The following COL27A1 variants were observed in gnomAD, a reference collection of about 807,000 sequenced individuals.
The protein encoded by COL27A1 is collagen type XXVII alpha 1 chain.
A neutral mutation model predicts 251.3 loss-of-function variants in COL27A1; 106 were observed. The ratio of observed to expected loss-of-function variants is 0.42; its 90% confidence interval spans 0.36 to 0.50. The LOEUF (loss-of-function observed/expected upper bound fraction) is 0.50. Among genes scored for constraint, COL27A1 ranks in the 20% least tolerant of loss-of-function variants. COL27A1 has a pLI of 0.00. For missense variants in COL27A1, 2,325 were observed against 2,522.8 expected (o/e 0.92, Z 1.68); for synonymous variants, 1,000 against 986.3 (o/e 1.01, Z -0.26).
chr9:114,156,129 C>T, intron 1 of COL27A1, 117 bp downstream of exon 1: 17 of 1,266,594 alleles, frequency 1.3e-5, no homozygotes, highest in Non-Finnish European at 1.7e-5. Context: ...CCTGCCCCTT[C>T]CTGCGCCCCC....
intron 23 of COL27A1, among the ~76,000 whole-genome samples, chr9:114,244,279 G>T (rs1251727645): frequency 1.3e-5 from 2 of 152,150 alleles, no homozygotes; most frequent in Non-Finnish European, 2.9e-5. Context: ...AGTGGACAGG[G>T]ATTATCTCTG....
intron 28 of COL27A1, 35 bp downstream of exon 28, chr9:114,258,629 G>C (rs769388661): frequency 1.2e-6 from 2 of 1,606,622 alleles, no homozygotes; most frequent in South Asian, 2.2e-5. Context: ...GCTGATGCTG[G>C]TGGGAGGGGG....
In COL27A1 at chr9:114,187,595, G is replaced by A. The variant is rs1343862216; in HGVS notation, c.2016+4520G>A. The stretch of plus-strand genomic sequence containing the variant: ...CCTCAAGGTGTCAATCTAGCCCTCA[G>A]CTCCACAGCTCTCTGGTCTTCCCTG... On this transcript the variant is annotated intron_variant, in intron 5 of 60. Coordinates refer to ENST00000356083, the MANE Select transcript of COL27A1 (RefSeq NM_032888.4). Among the ~76,000 whole-genome samples, 3 of 152,348 alleles carry A rather than the reference G, an allele frequency of 2.0e-5. No individual in the cohort carries two copies. The South Asian group carries it at 6.2e-4, about 32-fold the overall frequency.
chr9:114,309,366 A>C lies in COL27A1; in HGVS notation c.5324A>C (p.Glu1775Ala). Residue 1775 changes from glutamate to alanine, a missense_variant, in exon 60 of 61, where the codon GAG becomes GCG. Coordinates refer to ENST00000356083, the MANE Select transcript of COL27A1 (RefSeq NM_032888.4). The part of the protein sequence containing the change: ...IHCLNMTVWQ[E>A]GTGQTPAKQA... ...TGCCTTAACATGACCGTGTGGCAGGAGGGCACTGGGCAGACCCCAGCCAAG... is the reference window on the plus strand; with the variant it reads ...TGCCTTAACATGACCGTGTGGCAGGCGGGCACTGGGCAGACCCCAGCCAAG... The C allele has an allele frequency of 6.2e-7, 1 of 1,614,056 alleles. No individual in the cohort carries two copies. Among genetic ancestry groups the C allele is most frequent in the South Asian group, 1.1e-5 (1 of 91,072 alleles).
At chr9:114,297,679 C>T (rs1828347640) in intron 49 of COL27A1, among the ~76,000 whole-genome samples, 1 of 152,106 alleles carries the variant, frequency 6.6e-6, no homozygotes, top group Non-Finnish European at 1.5e-5. Context: ...ACATCCTCAA[C>T]CTGATAGAGA....
intron 37 of COL27A1, among the ~76,000 whole-genome samples, chr9:114,277,799 G>C (rs1835603606): frequency 6.6e-6 from 1 of 152,176 alleles, no homozygotes; most frequent in Non-Finnish European, 1.5e-5. Context: ...CTCTGGTTTT[G>C]CCCTTGGAGG....
In COL27A1 at chr9:114,155,978, C is replaced by T; in HGVS notation, c.28C>T (p.Arg10Ter). The T allele has an allele frequency of 7.7e-7, 1 of 1,292,406 alleles. No individual in the cohort carries two copies. The highest frequency in any genetic ancestry group is 9.8e-7 in the Non-Finnish European group (1 of 1,017,348). The allele number at this position is 1,292,406 out of a possible 1,614,324, so 80.1% of individuals were successfully genotyped here. ...GGGAGCGGGATCGGCGCGGGGGGCC[C>T]GAGGCACAGCGGCGGCGGCGGCGGC... MGAGSARGA[R>*]GTAAAAAARG... is the part of the protein sequence containing the mutation. Residue 10 changes from arginine (R) to a stop codon, truncating the protein, a stop_gained, in exon 1 of 61, where the codon CGA becomes TGA. Transcript: ENST00000356083. LOFTEE classifies it high-confidence loss of function. This position sits in a 1 kb window ranked among gnomAD's most constrained non-coding sequence, Gnocchi z 5.5.
intron 28 of COL27A1, among the ~76,000 whole-genome samples, chr9:114,261,997 C>T (rs1054050712): frequency 1.3e-5 from 2 of 152,198 alleles, no homozygotes; most frequent in Non-Finnish European, 2.9e-5. Flanking sequence ...GGGCTTCAGG[C>T]CAAGCCCTCA....
chr9:114,194,476 C>A lies in COL27A1; in HGVS notation c.2070+19C>A, dbSNP rs370587429. The A allele has an allele frequency of 1.4e-5, 23 of 1,606,372 alleles. No individual in the cohort carries two copies. The highest frequency in any genetic ancestry group is 8.5e-7 in the Non-Finnish European group (1 of 1,175,004). ...GGCAAAGGTAGGTTTCCAGGGACCC[C>A]AGTTCTCAGGGAAGAGGGGAGTGGA... On this transcript the variant is annotated intron_variant, in intron 6 of 60. Transcript: ENST00000356083.
At chr9:114,304,087 C>T (rs948331749) in intron 56 of COL27A1, among the ~76,000 whole-genome samples, 4 of 152,250 alleles carry the variant, frequency 2.6e-5, no homozygotes, top group Admixed American at 6.5e-5. Flanking sequence ...CCCCCTCCCC[C>T]GGCTTGAACA....
intron 14 of COL27A1, among the ~76,000 whole-genome samples, chr9:114,224,076 A>C (rs914296935): frequency 8.2e-6 from 1 of 121,982 alleles, no homozygotes; most frequent in African/African-American, 2.9e-5. Context: ...TGAGTCATAA[A>C]TTTGTCATCC....
intron 57 of COL27A1, 143 bp from the exon 58 acceptor site, chr9:114,306,377 A>G: frequency 1.3e-6 from 1 of 745,746 alleles, no homozygotes; most frequent in Middle Eastern, 3.7e-4. Flanking sequence ...TCTGCAAAAT[A>G]AAGAGAAACC....
intron 49 of COL27A1, 68 bp from the exon 50 acceptor site, chr9:114,300,002 C>T (rs1828504844): frequency 6.0e-6 from 9 of 1,509,632 alleles, no homozygotes; most frequent in Non-Finnish European, 7.4e-6. Flanking sequence ...GCCCTGAGGT[C>T]CCAGGTGGCT....
At chr9:114,208,884 G>A (rs1830160059) in intron 10 of COL27A1, among the ~76,000 whole-genome samples, 1 of 152,146 alleles carries the variant, frequency 6.6e-6, no homozygotes, top group African/African-American at 2.4e-5. Flanking sequence ...TGAGGGATGG[G>A]AAGGACATGC....
chr9:114,156,129 C>A, intron 1 of COL27A1, 117 bp downstream of exon 1: 1 of 1,266,594 alleles, frequency 7.9e-7, no homozygotes, highest in Non-Finnish European at 1.0e-6. Flanking sequence ...CCTGCCCCTT[C>A]CTGCGCCCCC....
intron 3 of COL27A1, among the ~76,000 whole-genome samples, chr9:114,177,034 C>T (rs1168687760): frequency 6.6e-6 from 1 of 152,214 alleles, no homozygotes; most frequent in Non-Finnish European, 1.5e-5. Flanking sequence ...CACACATCCT[C>T]GAAAGCCTGG....
At chr9:114,237,080 C>T in intron 18 of COL27A1, 46 bp downstream of exon 18, 1 of 1,526,210 alleles carries the variant, frequency 6.6e-7, no homozygotes, top group East Asian at 2.3e-5. Context: ...CACTCTCCAA[C>T]TGATCGTGTA....
chr9:114,266,735 G>A, intron 33 of COL27A1, 117 bp downstream of exon 33: 2 of 901,516 alleles, frequency 2.2e-6, no homozygotes, highest in Non-Finnish European at 1.8e-6. Flanking sequence ...CAGGGAGATG[G>A]TCATGTACCG....
At chr9:114,184,161 A>C (rs73656012) in intron 5 of COL27A1, among the ~76,000 whole-genome samples, 3 of 152,194 alleles carry the variant, frequency 2.0e-5, no homozygotes, top group Non-Finnish European at 4.4e-5. Context: ...CTCCCAGCTC[A>C]GCCTGTGTCA....
Sources: gnomAD v4.1 joint callset for allele counts (sites outside exome capture counted in the v4.1 genomes callset) on GRCh38, gnomAD v4.1.1 for gene constraint, Gnocchi (gnomAD v3.1) non-coding constraint, MANE v1.5 for transcripts, NCBI Gene and HGNC (gene_info 2026-07-23, HGNC 2026-07-21) for gene names.